CCDC17: variants seen among roughly 807,000 people sequenced by gnomAD.
CCDC17 encodes coiled-coil domain-containing protein 17.
CCDC17 carries 79 observed loss-of-function variants against 68.0 expected under a neutral mutation model. The ratio of observed to expected loss-of-function variants is 1.16; its 90% CI spans 0.97 to 1.40. The LOEUF is 1.40. Ranked by LOEUF, CCDC17 falls within the 40% of genes most tolerant of loss-of-function variation. CCDC17 has a pLI of 0.00. For missense variants in CCDC17, 846 were observed against 811.5 expected, an observed-to-expected ratio of 1.04 and a Z score of -0.52; for synonymous variants, 376 against 337.5, an observed-to-expected ratio of 1.11 and a Z score of -1.25.
In CCDC17 at chr1:45,623,968, G is replaced by A. The variant is rs538459850; in HGVS notation, c.-59C>T. 12 of 1,206,236 alleles carry A rather than the reference G, an allele frequency of 9.9e-6. No individual in the cohort carries two copies. The East Asian group carries it at 2.0e-4, about 21-fold the overall frequency. The allele number at this position is 1,206,236 out of a possible 1,614,324, so 74.7% of individuals were successfully genotyped here. A position where few individuals can be genotyped will look rare whatever the true frequency, so the allele number is the denominator to read the frequency against. On this transcript the variant is annotated 5_prime_UTR_variant, in exon 1 of 13. Transcript: ENST00000528266. ...CCTGCAGAAGGGATCAAGGGCAGGG[G>A]AAAGGCAGAGGAGGATGAAAGAGAC... is the stretch of plus-strand genomic sequence containing the variant.
intron 10 of CCDC17, 80 bp downstream of exon 10, chr1:45,621,201 A>G (rs1336862511): frequency 1.3e-6 from 2 of 1,550,402 alleles, no homozygotes; most frequent in African/African-American, 1.4e-5. Flanking sequence ...GCCTCTGTAT[A>G]CAGATGAGAA....
At position 45,622,793 on chromosome 1, in the gene CCDC17, G is replaced by A. The variant is rs987920344; in HGVS notation, c.698C>T (p.Pro233Leu). The A allele has an allele frequency of 3.7e-6, 6 of 1,602,760 alleles. No homozygotes were observed. In the African/African-American group the frequency reaches 8.0e-5, roughly 21 times the overall value. The change falls in exon 5 of 13, where the codon CCA (proline) becomes CTA (leucine). Residue 233 changes from proline (P) to leucine (L), a missense_variant. Transcript: ENST00000528266. ...SSRREAELYS[P>L]VQKANPGTLA... ...AGTTCCCGGGTTGGCCTTTTGCACT[G>A]GAGAATAAAGTTCTGCCTCTCGCCG...
At position 45,620,927 on chromosome 1, in the gene CCDC17, A is replaced by G. The variant is rs1358429819; in HGVS notation, c.1575T>C (p.Leu525=). The change falls in exon 11 of 13, where the codon CTT becomes CTC. Residue 525 remains leucine, a synonymous_variant. Transcript: ENST00000528266. The part of the protein sequence containing the change: ...RALPLDPSLS[L]GQLNGIPQAG... ...CCTGAGGAATCCCATTCAGCTGCCC[A>G]AGGCTAAGGCTGGGGTCCAGAGGAA... 9.9e-6 allele frequency: 16 copies of G among 1,613,822 alleles called. No homozygotes were observed. The highest frequency in any genetic ancestry group is 1.4e-5 in the Non-Finnish European group (16 of 1,179,806).
At position 45,623,819 on chromosome 1, in the gene CCDC17, G is replaced by C; in HGVS notation, c.91C>G (p.Gln31Glu). 6.4e-7 allele frequency: 1 copy of C among 1,551,642 alleles called. No individual in the cohort carries two copies. Among genetic ancestry groups the C allele is most frequent in the Non-Finnish European group, 8.7e-7 (1 of 1,146,920 alleles). The part of the protein sequence containing the change: ...RSSALLATHT[Q>E]RFCIGHPTQE... Reference sequence around the variant, plus strand: ...GTCGGGTGGCCAATGCAGAAGCGCTGAGTATGGGTGGCTAACAGAGCTGAG... The same window carrying C: ...GTCGGGTGGCCAATGCAGAAGCGCTCAGTATGGGTGGCTAACAGAGCTGAG... Residue 31 changes from glutamine to glutamate, a missense_variant, in exon 1 of 13, where the codon CAG becomes GAG. Transcript: ENST00000528266.
In CCDC17 at chr1:45,620,375, TC is replaced by T. The variant is rs1301134688; in HGVS notation, c.1768del (p.Asp590IlefsTer31). ...SFLTPAVGFA[D>X]PPPRTEEPLS... ...GGGCTCTTCTGTACGAGGTGGGGGA[TC>T]AGCAAAGCCAACTGCGGGGGTGAGG... On this transcript the variant is annotated frameshift_variant, in exon 13 of 13. Coordinates refer to ENST00000528266, the MANE Select transcript of CCDC17 (RefSeq NM_001114938.3). LOFTEE classifies it low-confidence loss of function (END_TRUNC). 6.2e-7 allele frequency: 1 copy of T among 1,605,504 alleles called. No individual in the cohort carries two copies. The highest frequency in any genetic ancestry group is 2.2e-5 in the East Asian group (1 of 44,788).
Position 45,623,008 on chromosome 1 carries a change from C to T in CCDC17, c.603G>A (p.Arg201=). The part of the protein sequence containing the change: ...RELQAEAGRT[R]GALEVLGARI... ...GGGCCCCCAACACCTCTAGAGCTCCCCGCGTCCTCCCGGCCTCAGCTTGTA... is the reference window on the plus strand; with the variant it reads ...GGGCCCCCAACACCTCTAGAGCTCCTCGCGTCCTCCCGGCCTCAGCTTGTA... Residue 201 remains arginine, a synonymous_variant, in exon 4 of 13, where the codon CGG becomes CGA. Coordinates refer to ENST00000528266, the MANE Select transcript of CCDC17 (RefSeq NM_001114938.3). The T allele has an allele frequency of 6.2e-7, 1 of 1,612,564 alleles. No homozygotes were observed. The highest frequency in any genetic ancestry group is 8.5e-7 in the Non-Finnish European group (1 of 1,179,224).
rs1557674168 is a variant in CCDC17, at chr1:45,620,750, ACTTG to A, written c.1679_1682del (p.Ala560ValfsTer60). 2 of 1,608,594 alleles carry A rather than the reference ACTTG, an allele frequency of 1.2e-6. No individual in the cohort carries two copies. The highest frequency in any genetic ancestry group is 1.7e-6 in the Non-Finnish European group (2 of 1,177,526). ...GAGGTGGGTACTGGTACTCATGGAC[ACTTG>A]CTGGATTGATCTCTGCCAGTGTCTG... On this transcript the variant is annotated frameshift_variant, in exon 12 of 13. Transcript: ENST00000528266. LOFTEE classifies it low-confidence loss of function (END_TRUNC).
At position 45,623,299 on chromosome 1, in the gene CCDC17, C is replaced by T; in HGVS notation, c.411G>A (p.Arg137=). The T allele has an allele frequency of 6.5e-7, 1 of 1,549,342 alleles. No homozygotes were observed. Among genetic ancestry groups the T allele is most frequent in the Non-Finnish European group, 8.7e-7 (1 of 1,146,856 alleles). The change falls in exon 3 of 13, where the codon CGG becomes CGA. Residue 137 remains arginine (R), a synonymous_variant. Transcript: ENST00000528266. ...MSEAVGSPSE[R]LRALFRTRAR... ...CGCGAGTCCTGAACAGCGCCCGCAG[C>T]CGCTCGCTGGGGCTTCCCACCGCCT...
chr1:45,622,194 C>G, intron 7 of CCDC17, 47 bp downstream of exon 7: 3 of 1,548,260 alleles, frequency 1.9e-6, no homozygotes, highest in Non-Finnish European at 1.8e-6. Context: ...GCCAGGCCTG[C>G]TGGGGAGAGA....
Position 45,623,573 on chromosome 1 carries a change from T to G in CCDC17, c.254A>C (p.Lys85Thr). The change falls in exon 2 of 13, where the codon AAG becomes ACG. Residue 85 changes from lysine to threonine, a missense_variant. Transcript: ENST00000528266. ...TAGCTCTACCTCCTCTGTTAACCTC[T>G]TTAGAGCAGATCTACTGGCCTGCTG... ...PDQQASRSAL[K>T]RLTEEVQWLR... is the part of the protein sequence containing the mutation. The G allele has an allele frequency of 1.3e-6, 2 of 1,549,992 alleles. No individual in the cohort carries two copies. The highest frequency in any genetic ancestry group is 1.7e-6 in the Non-Finnish European group (2 of 1,146,850).
intron 6 of CCDC17, 36 bp downstream of exon 6, chr1:45,622,513 G>T (rs907218866): frequency 1.3e-6 from 2 of 1,542,540 alleles, no homozygotes; most frequent in Non-Finnish European, 1.8e-6. Context: ...CTCCTCCCAG[G>T]ACTGACCACC....
Position 45,621,362 on chromosome 1 carries a change from G to T in CCDC17, c.1307C>A (p.Pro436Gln). The change falls in exon 10 of 13, where the codon CCA becomes CAA. Residue 436 changes from proline to glutamine, a missense_variant. Physicochemically the swap from Pro to Gln is moderately conservative, Grantham distance 76. Transcript: ENST00000528266. ...RDTGRTTALPPALCLPPPPAP... is the reference protein window; with the variant it reads ...RDTGRTTALPQALCLPPPPAP... ...AGGAGGTGGGGGCAGGCAAAGGGCT[G>T]GGGGCAACGCTGTGGTCCTTCCTGT... The T allele has an allele frequency of 6.3e-7, 1 of 1,590,642 alleles. No homozygotes were observed. Among genetic ancestry groups the T allele is most frequent in the East Asian group, 2.3e-5 (1 of 43,810 alleles).
At position 45,621,641 on chromosome 1, in the gene CCDC17, G is replaced by C. The variant is rs201021595; in HGVS notation, c.1181C>G (p.Pro394Arg). 460 of 1,613,624 alleles carry C rather than the reference G, an allele frequency of 2.9e-4. 6 individuals are homozygous for C. In the Middle Eastern group the frequency reaches 6.8e-3, roughly 24 times the overall value. The change falls in exon 9 of 13, where the codon CCT becomes CGT. Residue 394 changes from proline to arginine, a missense_variant. Pro to Arg is a moderately radical substitution (Grantham distance 103, BLOSUM62 -2). Transcript: ENST00000528266. Reference sequence around the variant, plus strand: ...TCGAAGGTGGCACGGGCCTCACCCAGGATCATAGGGTGCAGGGCCCAGCAT... The same window carrying C: ...TCGAAGGTGGCACGGGCCTCACCCACGATCATAGGGTGCAGGGCCCAGCAT... ...SDMLGPAPYD[P>R]GAGLVIFYDF...
rs1161937799 is a variant in CCDC17 at position 45,620,290 on chromosome 1, G to C, written c.1854C>G (p.Pro618=). 1.2e-6 allele frequency: 2 copies of C among 1,610,088 alleles called. No homozygotes were observed. Among genetic ancestry groups the C allele is most frequent in the African/African-American group, 2.7e-5 (2 of 74,722 alleles). ...GLGPHHSSDL[P]PVSF Reference sequence around the variant, plus strand: ...TCACTTGGGTTCAGAAACTCACTGGGGGCAAGTCAGAACTGTGGTGAGGGC... The same window carrying C: ...TCACTTGGGTTCAGAAACTCACTGGCGGCAAGTCAGAACTGTGGTGAGGGC... Residue 618 remains proline (P), a synonymous_variant, in exon 13 of 13, where the codon CCC becomes CCG. Transcript: ENST00000528266.
chr1:45,621,942 T>C lies in CCDC17; in HGVS notation c.1021A>G (p.Arg341Gly). The part of the protein sequence containing the change: ...GDASLQPKGR[R>G]DPPLLPPPVA... ...GGTGGCGGGAGGAGTGGGGGATCTC[T>C]CCTCCCCTTCGGTTGTAGGCTGGCA... The change falls in exon 8 of 13, where the codon AGA becomes GGA. Residue 341 changes from arginine to glycine, a missense_variant. Arg to Gly is a moderately radical substitution (Grantham distance 125). Transcript: ENST00000528266. The C allele has an allele frequency of 6.2e-7, 1 of 1,610,596 alleles. No homozygotes were observed. Among genetic ancestry groups the C allele is most frequent in the Non-Finnish European group, 8.5e-7 (1 of 1,178,974 alleles).
intron 12 of CCDC17, 100 bp downstream of exon 12, chr1:45,620,623 A>AATGACTGG (rs1432681385): frequency 6.5e-7 from 1 of 1,528,058 alleles, no homozygotes; most frequent in Admixed American, 2.0e-5. Flanking sequence ...AAGCATTGGT[A>AATGACTGG]ATGACTGGCA....
chr1:45,623,047 C>T lies in CCDC17; in HGVS notation c.564G>A (p.Gln188=), dbSNP rs1644330519. 3 of 1,611,582 alleles carry T rather than the reference C, an allele frequency of 1.9e-6. No homozygotes were observed. The highest frequency in any genetic ancestry group is 1.7e-5 in the Admixed American group (1 of 59,790). Residue 188 remains glutamine, a synonymous_variant, in exon 4 of 13, where the codon CAG becomes CAA. Transcript: ENST00000528266. ...CCTCAGCTTGTAGTTCTCGAATCTC[C>T]TGCTCCAGGCCGAAGAGGCGGGACA... ...GGMSRLFGLE[Q]EIRELQAEAG... is the part of the protein sequence containing the mutation.
In CCDC17 at chr1:45,621,427, C is replaced by A; in HGVS notation, c.1242G>T (p.Trp414Cys). 6.3e-7 allele frequency: 1 copy of A among 1,598,444 alleles called. No homozygotes were observed. Reference sequence around the variant, plus strand: ...GTGCCAAGCCAGTCCTTAGTTGCACCCAAATCCAGGAAGCCTCAAGGCCCC... The same window carrying A: ...GTGCCAAGCCAGTCCTTAGTTGCACACAAATCCAGGAAGCCTCAAGGCCCC... Reference protein sequence around the residue: ...FLRGLEASWIWVQLRTGLARD... With the variant: ...FLRGLEASWICVQLRTGLARD... The change falls in exon 10 of 13, where the codon TGG becomes TGT. Residue 414 changes from tryptophan to cysteine, a missense_variant. By Grantham distance (215) the Trp-to-Cys change is radical (BLOSUM62 -2). Coordinates refer to ENST00000528266, the MANE Select transcript of CCDC17 (RefSeq NM_001114938.3).
chr1:45,620,494 G>A, intron 12 of CCDC17, 61 bp from the exon 13 acceptor site: 1 of 1,477,852 alleles, frequency 6.8e-7, no homozygotes, highest in Non-Finnish European at 9.0e-7. Context: ...CACAGGTTTT[G>A]GAGTTAGTTA....
Sources: gnomAD v4.1 joint callset for allele counts on GRCh38, gnomAD v4.1.1 for gene constraint, MANE v1.5 for transcripts, NCBI Gene and HGNC (gene_info 2026-07-23, HGNC 2026-07-21) for gene names.